Variants in ZBTB11 observed in about 807,000 individuals in gnomAD.
The protein encoded by ZBTB11 is zinc finger and BTB domain containing 11.
In ZBTB11, 68 loss-of-function variants were observed where a neutral mutation model predicts 113.1. That is an observed-to-expected ratio of 0.60 (90% CI 0.49 to 0.74). The LOEUF is 0.74. ZBTB11 is among the 30% of genes least tolerant of loss of function. The pLI, the probability that ZBTB11 is intolerant of heterozygous loss-of-function variation, is 0.00. For synonymous variants in ZBTB11, 518 were observed against 452.6 expected, an observed-to-expected ratio of 1.14 and a Z score of -1.83; for missense variants, 1,104 against 1,279.4, an observed-to-expected ratio of 0.86 and a Z score of 2.09.
In ZBTB11 at chr3:101,668,364, G is replaced by A. The variant is rs1204538612; in HGVS notation, c.779-2556C>T. On this transcript the variant is annotated intron_variant, in intron 3 of 10. Coordinates refer to ENST00000312938, the MANE Select transcript of ZBTB11 (RefSeq NM_014415.4). ...AAAAAGCTACAAGAAGCCTGGCACA[G>A]TGGCTCACCCCCTGTAATATCAGTG... is the stretch of plus-strand genomic sequence containing the variant. 2.6e-5 allele frequency among the ~76,000 whole-genome samples: 4 copies of A among 152,182 alleles called. No individual in the cohort carries two copies. The East Asian group carries it at 7.7e-4, about 29-fold the overall frequency.
intron 10 of ZBTB11, among the ~76,000 whole-genome samples, chr3:101,652,167 C>G (rs1936715566): frequency 6.6e-6 from 1 of 152,000 alleles, no homozygotes; most frequent in Non-Finnish European, 1.5e-5. Flanking sequence ...AACTATAAAT[C>G]TCTCTAAAGA....
At chr3:101,657,160 A>AC (rs1936813476) in intron 6 of ZBTB11, among the ~76,000 whole-genome samples, 1 of 150,968 alleles carries the variant, frequency 6.6e-6, no homozygotes, top group African/African-American at 2.4e-5. Context: ...AAAAAAACAA[A>AC]AAACCCATAA....
At chr3:101,657,484 G>A (rs771129043) in intron 6 of ZBTB11, among the ~76,000 whole-genome samples, 6 of 148,768 alleles carry the variant, frequency 4.0e-5, no homozygotes, top group Non-Finnish European at 7.4e-5. Context: ...CCAGCCTGCG[G>A]AAACAGAGTG....
At chr3:101,654,093 G>A (rs1167543692) in intron 8 of ZBTB11, among the ~76,000 whole-genome samples, 1 of 151,708 alleles carries the variant, frequency 6.6e-6, no homozygotes, top group Non-Finnish European at 1.5e-5. Context: ...AGGATGGAGT[G>A]CAGTGGTGTG....
intron 5 of ZBTB11, among the ~76,000 whole-genome samples, chr3:101,661,148 C>G (rs775086451): frequency 6.7e-6 from 1 of 149,914 alleles, no homozygotes; most frequent in African/African-American, 2.5e-5. Context: ...ACAGGAGGAT[C>G]GTTTGAGCCT....
intron 6 of ZBTB11, among the ~76,000 whole-genome samples, chr3:101,658,415 T>C (rs1310776785): frequency 6.6e-6 from 1 of 151,832 alleles, no homozygotes; most frequent in African/African-American, 2.4e-5. Flanking sequence ...TTAGTAGAGA[T>C]GGCCAGGATT....
chr3:101,665,428 G>A lies in ZBTB11; in HGVS notation c.1159C>T (p.Gln387Ter). The change falls in exon 4 of 11, where the codon CAG becomes TAG. Residue 387 changes from glutamine (Q) to a stop codon, truncating the protein, a stop_gained. Transcript: ENST00000312938. LOFTEE classifies it high-confidence loss of function. The stretch of plus-strand genomic sequence containing the variant: ...GCAGATTCAGCCTCTGAAGAAACCT[G>A]GGGCTCAGGCTGTCGTCCTACCTCT... ...NGEVGRQPEP[Q>*]VSSEAESALS... 6.2e-7 allele frequency: 1 copy of A among 1,614,160 alleles called. No homozygotes were observed. Among genetic ancestry groups the A allele is most frequent in the Non-Finnish European group, 8.5e-7 (1 of 1,180,032 alleles).
chr3:101,671,652 G>A (rs1041614797), intron 2 of ZBTB11: 2 of 576,230 alleles, frequency 3.5e-6, no homozygotes, highest in East Asian at 2.8e-5. Context: ...CAAAGACCTG[G>A]CCAGATTAAT....
chr3:101,676,190 T>C (rs1335664748), intron 1 of ZBTB11, among the ~76,000 whole-genome samples: 1 of 149,754 alleles, frequency 6.7e-6, no homozygotes, highest in Non-Finnish European at 1.5e-5. Context: ...TTCGGGTGAC[T>C]CGTCCCCCCT....
At chr3:101,658,338 G>A (rs1313250856) in intron 6 of ZBTB11, among the ~76,000 whole-genome samples, 1 of 150,676 alleles carries the variant, frequency 6.6e-6, no homozygotes. Context: ...CAATTCTCCT[G>A]CCTCAGCCTC....
At chr3:101,653,510 A>G (rs1433806356) in intron 8 of ZBTB11, among the ~76,000 whole-genome samples, 1 of 152,218 alleles carries the variant, frequency 6.6e-6, no homozygotes, top group Non-Finnish European at 1.5e-5. Context: ...GTGCTAATGA[A>G]TTTGAATCCA....
intron 5 of ZBTB11, among the ~76,000 whole-genome samples, chr3:101,663,788 G>C (rs1243144589): frequency 6.6e-6 from 1 of 152,148 alleles, no homozygotes; most frequent in African/African-American, 2.4e-5. Flanking sequence ...TACTCAGGAG[G>C]CTGAGGCAGG....
intron 6 of ZBTB11, among the ~76,000 whole-genome samples, chr3:101,658,036 G>GCA (rs1443195737): frequency 6.6e-6 from 1 of 152,108 alleles, no homozygotes; most frequent in Non-Finnish European, 1.5e-5. Flanking sequence ...ACTTGCACAT[G>GCA]CATGTTTACA....
Position 101,676,882 on chromosome 3 carries a change from C to T in ZBTB11, c.33G>A (p.Leu11=). Residue 11 remains leucine, a synonymous_variant, in exon 1 of 11, where the codon CTG becomes CTA. Coordinates refer to ENST00000312938, the MANE Select transcript of ZBTB11 (RefSeq NM_014415.4). ...GCTCGCGCTCGTTCGTCAGGTAACG[C>T]AGGATGGCCCGGTAGCTTTCCTCGC... The part of the protein sequence containing the change: MSSEESYRAI[L]RYLTNEREPY... 1 of 1,598,166 alleles carries T rather than the reference C, an allele frequency of 6.3e-7. No individual in the cohort carries two copies. The highest frequency in any genetic ancestry group is 1.3e-5 in the African/African-American group (1 of 74,400).
chr3:101,669,519 T>C (rs948408866), intron 3 of ZBTB11, among the ~76,000 whole-genome samples: 2 of 152,150 alleles, frequency 1.3e-5, no homozygotes, highest in African/African-American at 4.8e-5. Flanking sequence ...TGCTATAAAC[T>C]GCTGAGAAAC....
rs1426497533 is a variant in ZBTB11, at chr3:101,665,168, A to G, written c.1419T>C (p.His473=). 3.7e-6 allele frequency: 6 copies of G among 1,613,998 alleles called. No homozygotes were observed. The highest frequency in any genetic ancestry group is 1.1e-5 in the South Asian group (1 of 91,082). ...TTAAAGGTTGGTCAACTTTCTGCCTATGTTTTGGAATGTCTTCGGCACAAA... is the reference window on the plus strand; with the variant it reads ...TTAAAGGTTGGTCAACTTTCTGCCTGTGTTTTGGAATGTCTTCGGCACAAA... ...EDICAEDIPK[H]RQKVDQPLKD... The change falls in exon 4 of 11, where the codon CAT becomes CAC. Residue 473 remains histidine (H), a synonymous_variant. Transcript: ENST00000312938.
At position 101,665,121 on chromosome 3, in the gene ZBTB11, G is replaced by A; in HGVS notation, c.1466C>T (p.Ala489Val). 1 of 1,614,076 alleles carries A rather than the reference G, an allele frequency of 6.2e-7. No individual in the cohort carries two copies. The highest frequency in any genetic ancestry group is 8.5e-7 in the Non-Finnish European group (1 of 1,180,028). ...GCCAAAGTCTGTCTTTGCTGTTGATGCAACTAGATTTTCCTGATCTTTTAA... is the reference window on the plus strand; with the variant it reads ...GCCAAAGTCTGTCTTTGCTGTTGATACAACTAGATTTTCCTGATCTTTTAA... ...QPLKDQENLV[A>V]STAKTDFGPD... The change falls in exon 4 of 11, where the codon GCA (alanine) becomes GTA (valine). Residue 489 changes from alanine to valine, a missense_variant. Ala to Val is a moderately conservative substitution (Grantham distance 64). Around this residue, in one of 5 missense-constraint regions of ZBTB11, gnomAD observed 535 missense variants for 518.6 expected, o/e 1.03. Coordinates refer to ENST00000312938, the MANE Select transcript of ZBTB11 (RefSeq NM_014415.4).
chr3:101,664,224 A>G (rs759346844), intron 5 of ZBTB11, among the ~76,000 whole-genome samples: 2 of 152,224 alleles, frequency 1.3e-5, no homozygotes, highest in East Asian at 1.9e-4. Flanking sequence ...ACTCTGCTGA[A>G]TAAGTTACTC....
In ZBTB11 at chr3:101,665,490, A is replaced by G. The variant is rs767730734; in HGVS notation, c.1097T>C (p.Leu366Pro). ...TELGDCEIVL[L>P]VNGELPEAEQ... is the part of the protein sequence containing the mutation. ...AGCTTCTGGCAATTCTCCATTTACC[A>G]GTAGTACAATTTCACAATCCCCAAG... The change falls in exon 4 of 11, where the codon CTG (leucine) becomes CCG (proline). Residue 366 changes from leucine to proline, a missense_variant. Around this residue, in one of 5 missense-constraint regions of ZBTB11, gnomAD observed 535 missense variants for 518.6 expected, o/e 1.03. Transcript: ENST00000312938. The G allele has an allele frequency of 6.2e-7, 1 of 1,614,186 alleles. No individual in the cohort carries two copies. The highest frequency in any genetic ancestry group is 8.5e-7 in the Non-Finnish European group (1 of 1,180,032).
Sources: allele counts gnomAD v4.1 joint callset (sites outside exome capture counted in the v4.1 genomes callset), GRCh38; gene constraint gnomAD v4.1.1; regional missense constraint gnomAD v4.1.1; transcripts MANE v1.5; gene names NCBI Gene and HGNC (gene_info 2026-07-23, HGNC 2026-07-21).